TAOK3: variants seen among roughly 807,000 people sequenced by gnomAD.
TAOK3 encodes the protein TAO kinase 3, also known as serine/threonine-protein kinase TAO3.
A neutral mutation model predicts 120.4 loss-of-function variants in TAOK3; 40 were observed. The observed-to-expected ratio is 0.33, with a 90% CI of 0.26 to 0.43. The LOEUF (loss-of-function observed/expected upper bound fraction) is 0.43, where lower values mean the gene tolerates loss of function less well. Ranked by LOEUF, TAOK3 falls within the 20% of genes least tolerant of loss-of-function variation. TAOK3 has a pLI of 1.00. For synonymous variants in TAOK3, 355 were observed against 387.5 expected (o/e 0.92, Z 0.99); for missense variants, 821 against 1,112.1 (o/e 0.74, Z 3.72).
chr12:118,191,641 A>G (rs2037436217), intron 13 of TAOK3, among the ~76,000 whole-genome samples: 1 of 152,162 alleles, frequency 6.6e-6, no homozygotes, highest in Admixed American at 6.5e-5. Flanking sequence ...ATTCTACATG[A>G]TTTCTCGCGA....
intron 19 of TAOK3, chr12:118,159,798 T>A (rs921381956): frequency 1.5e-5 from 5 of 327,854 alleles, no homozygotes; most frequent in Non-Finnish European, 5.8e-6. Flanking sequence ...GCAGGGACTC[T>A]TATTCATTTG....
At chr12:118,270,762 C>T (rs2041664956) in intron 1 of TAOK3, among the ~76,000 whole-genome samples, 1 of 151,666 alleles carries the variant, frequency 6.6e-6, no homozygotes, top group Non-Finnish European at 1.5e-5. Flanking sequence ...GCAAGCTCCG[C>T]CTCCCGGGTT....
chr12:118,360,810 G>T (rs1248580773), intron 1 of TAOK3, among the ~76,000 whole-genome samples: 1 of 152,158 alleles, frequency 6.6e-6, no homozygotes, highest in Non-Finnish European at 1.5e-5. Flanking sequence ...AGTTAGTGTA[G>T]TTACTAAGAA....
chr12:118,263,971 AAGG>A (rs745403166), intron 2 of TAOK3, among the ~76,000 whole-genome samples: 40 of 152,134 alleles, frequency 2.6e-4, no homozygotes, highest in Non-Finnish European at 4.9e-4. Context: ...GAGGCTGAGG[AAGG>A]AGAAGTGCTT....
At chr12:118,237,938 A>C in intron 7 of TAOK3, 135 bp downstream of exon 7, 1 of 564,972 alleles carries the variant, frequency 1.8e-6, no homozygotes, top group Non-Finnish European at 3.2e-6. Flanking sequence ...TATCCTTTAT[A>C]TCCAGAAGCA....
At chr12:118,181,125 G>A (rs1165566304) in intron 15 of TAOK3, among the ~76,000 whole-genome samples, 3 of 152,146 alleles carry the variant, frequency 2.0e-5, no homozygotes, top group Non-Finnish European at 2.9e-5. Flanking sequence ...GATTACAGGC[G>A]TGAGCCACCA....
At chr12:118,248,058 T>C (rs914437317) in intron 3 of TAOK3, among the ~76,000 whole-genome samples, 3 of 152,150 alleles carry the variant, frequency 2.0e-5, no homozygotes, top group Non-Finnish European at 4.4e-5. Context: ...TTCATAATCA[T>C]TTTCTTAAAT....
chr12:118,281,990 G>A (rs945548028), intron 1 of TAOK3, among the ~76,000 whole-genome samples: 3 of 151,990 alleles, frequency 2.0e-5, no homozygotes, highest in African/African-American at 4.8e-5. Flanking sequence ...ATACTCTTGC[G>A]GTTTGTGGCC....
chr12:118,372,198 C>A lies in TAOK3; in HGVS notation c.-194+450G>T, dbSNP rs2045919678. On this transcript the variant is annotated intron_variant, in intron 1 of 20. Coordinates refer to ENST00000392533, the MANE Select transcript of TAOK3 (RefSeq NM_016281.4). This position sits in a 1 kb window ranked among gnomAD's most constrained non-coding sequence, Gnocchi z 4.6. ...CCCCGGGTGCTGTCCCAGCCCCTCT[C>A]GGGGTCCCCATCTCTCAGACTCTCA... is the stretch of plus-strand genomic sequence containing the variant. Among the ~76,000 whole-genome samples the A allele has an allele frequency of 1.3e-5, 2 of 151,210 alleles. No homozygotes were observed. The highest frequency in any genetic ancestry group is 4.9e-5 in the African/African-American group (2 of 41,210).
chr12:118,367,007 G>A (rs1345658993), intron 1 of TAOK3, among the ~76,000 whole-genome samples: 1 of 152,148 alleles, frequency 6.6e-6, no homozygotes, highest in African/African-American at 2.4e-5. Flanking sequence ...GCAGTAAGCC[G>A]AGATGGCACC....
intron 3 of TAOK3, among the ~76,000 whole-genome samples, chr12:118,252,798 C>T (rs549270502): frequency 6.6e-5 from 10 of 151,120 alleles, no homozygotes; most frequent in Non-Finnish European, 1.3e-4. Flanking sequence ...TGGCTCACTG[C>T]AAGCTCTGCC....
At chr12:118,318,856 T>C (rs1022146229) in intron 1 of TAOK3, among the ~76,000 whole-genome samples, 4 of 152,162 alleles carry the variant, frequency 2.6e-5, no homozygotes, top group African/African-American at 4.8e-5. Flanking sequence ...GAATGGAAAA[T>C]GTGGCATGTG....
chr12:118,243,465 G>A lies in TAOK3; in HGVS notation c.244C>T (p.Pro82Ser), dbSNP rs767059244. The A allele has an allele frequency of 1.3e-6, 2 of 1,549,272 alleles. No homozygotes were observed. The highest frequency in any genetic ancestry group is 1.7e-6 in the Non-Finnish European group (2 of 1,156,390). Residue 82 changes from proline (P) to serine (S), a missense_variant, in exon 5 of 21, where the codon CCT becomes TCT. This residue lies in a region of TAOK3 where 467 missense variants were observed against 540.0 expected (regional missense o/e 0.86). Coordinates refer to ENST00000392533, the MANE Select transcript of TAOK3 (RefSeq NM_016281.4). ...EVKFLRQLKH[P>S]NTIEYKGCYL... ...CAGCCTTTGTACTCAATAGTATTAG[G>A]ATGCTTCAATTGTCGTAAAAATTTA...
At chr12:118,222,361 C>G (rs762602271) in intron 9 of TAOK3, among the ~76,000 whole-genome samples, 1 of 151,930 alleles carries the variant, frequency 6.6e-6, no homozygotes, top group Non-Finnish European at 1.5e-5. Context: ...GGTGAAACCC[C>G]GTCTCTACTA....
chr12:118,347,178 A>T lies in TAOK3; in HGVS notation c.-194+25470T>A, dbSNP rs145878890. ...GTCACCACACCCAGCTAATTTTTTTAAAAAAATTATCATTTGTAGAGATGA... is the reference window on the plus strand; with the variant it reads ...GTCACCACACCCAGCTAATTTTTTTTAAAAAATTATCATTTGTAGAGATGA... On this transcript the variant is annotated intron_variant, in intron 1 of 20. Coordinates refer to ENST00000392533, the MANE Select transcript of TAOK3 (RefSeq NM_016281.4). Among the ~76,000 whole-genome samples the T allele has an allele frequency of 9.5e-3, 1,444 of 152,096 alleles. 12 individuals are homozygous for T. Among genetic ancestry groups the T allele is most frequent in the African/African-American group, 0.031 (1,300 of 41,488 alleles).
At chr12:118,175,298 C>A (rs1341285223) in intron 16 of TAOK3, among the ~76,000 whole-genome samples, 1 of 152,176 alleles carries the variant, frequency 6.6e-6, no homozygotes, top group Non-Finnish European at 1.5e-5. Context: ...GGAGGAGAAC[C>A]TTGCTGAGTC....
chr12:118,346,496 C>T (rs2044867378), intron 1 of TAOK3, among the ~76,000 whole-genome samples: 1 of 152,112 alleles, frequency 6.6e-6, no homozygotes, highest in Admixed American at 6.6e-5. Context: ...TTTGGGGCAT[C>T]TTTTAGAAAG....
In TAOK3 at chr12:118,350,855, C is replaced by T. The variant is rs865893891; in HGVS notation, c.-194+21793G>A. On this transcript the variant is annotated intron_variant, in intron 1 of 20. Coordinates refer to ENST00000392533, the MANE Select transcript of TAOK3 (RefSeq NM_016281.4). ...AGCCTGGGCAACAAGACCAAAACTC[C>T]GTCTCAAAAAAAAAAAAAAGAAAAG... Among the ~76,000 whole-genome samples, 3 of 128,882 alleles carry T rather than the reference C, an allele frequency of 2.3e-5. No homozygotes were observed. In the Admixed American group the frequency reaches 2.6e-4, roughly 11 times the overall value. The allele number at this position is 128,882 out of a possible 152,430, so 84.6% of individuals were successfully genotyped here. A position where few individuals can be genotyped will look rare whatever the true frequency, so the allele number is the denominator to read the frequency against.
Position 118,371,304 on chromosome 12 carries a change from C to T in TAOK3, c.-194+1344G>A, listed in dbSNP as rs537718903. On this transcript the variant is annotated intron_variant, in intron 1 of 20. Transcript: ENST00000392533. The surrounding 1 kb of genome is among the most constrained non-coding windows in gnomAD (Gnocchi z 5.5). ...TGAAGAAGCCCCTTCCAACTTTTCA[C>T]CTGACCTTTTCATTAAGATCAGGAA... Among the ~76,000 whole-genome samples the T allele has an allele frequency of 5.3e-5, 8 of 152,236 alleles. No homozygotes were observed. In the South Asian group the frequency reaches 8.3e-4, roughly 16 times the overall value.
Sources: gnomAD v4.1 joint callset for allele counts (sites outside exome capture counted in the v4.1 genomes callset) on GRCh38, gnomAD v4.1.1 for gene constraint, gnomAD v4.1.1 regional missense constraint, Gnocchi (gnomAD v3.1) non-coding constraint, MANE v1.5 for transcripts, NCBI Gene and HGNC (gene_info 2026-07-23, HGNC 2026-07-21) for gene names.